Variants in OXR1 observed in about 807,000 individuals in gnomAD.
The protein encoded by OXR1 is oxidation resistance protein 1.
A neutral mutation model predicts 104.6 loss-of-function variants in OXR1; 41 were observed. That is an observed-to-expected ratio of 0.39 (90% CI 0.31 to 0.51). The LOEUF (loss-of-function observed/expected upper bound fraction) is 0.51. OXR1 is among the 20% of genes least tolerant of loss of function. The pLI is 0.77. For synonymous variants in OXR1, 348 were observed against 348.4 expected, an observed-to-expected ratio of 1.00 and a Z score of 0.01; for missense variants, 955 against 1,031.9, an observed-to-expected ratio of 0.93 and a Z score of 1.02.
chr8:106,403,073 G>C (rs1818069634), intron 2 of OXR1, among the ~76,000 whole-genome samples: 1 of 152,172 alleles, frequency 6.6e-6, no homozygotes, highest in African/African-American at 2.4e-5. Flanking sequence ...ACCCGTCTCG[G>C]CCTCCCGAAG....
chr8:106,510,971 G>A (rs1042097646), intron 2 of OXR1, among the ~76,000 whole-genome samples: 3 of 152,118 alleles, frequency 2.0e-5, no homozygotes, highest in African/African-American at 4.8e-5. Context: ...AGTAATTCCC[G>A]ATTCCACGTT....
At chr8:106,641,129 C>T (rs1391981918) in intron 3 of OXR1, among the ~76,000 whole-genome samples, 3 of 152,176 alleles carry the variant, frequency 2.0e-5, no homozygotes, top group Non-Finnish European at 4.4e-5. Flanking sequence ...TTCTGTTAGC[C>T]ATAAACTTTT....
At chr8:106,470,692 A>T (rs1301264326) in intron 2 of OXR1, among the ~76,000 whole-genome samples, 3 of 148,226 alleles carry the variant, frequency 2.0e-5, no homozygotes, top group Admixed American at 1.3e-4. Flanking sequence ...TAGAAAAGAG[A>T]AGGCCAAAGA....
At chr8:106,466,087 G>T (rs1042340868) in intron 2 of OXR1, among the ~76,000 whole-genome samples, 11 of 151,804 alleles carry the variant, frequency 7.2e-5, no homozygotes, top group African/African-American at 2.7e-4. Flanking sequence ...CACATATTTT[G>T]TGCTTGATAT....
intron 2 of OXR1, among the ~76,000 whole-genome samples, chr8:106,418,477 C>T (rs1444944455): frequency 1.3e-5 from 2 of 151,918 alleles, no homozygotes; most frequent in Non-Finnish European, 2.9e-5. Flanking sequence ...TTTCTTCTAA[C>T]AAAATGTCTG....
chr8:106,388,817 A>G (rs1817483994), intron 2 of OXR1, among the ~76,000 whole-genome samples: 1 of 152,320 alleles, frequency 6.6e-6, no homozygotes. Flanking sequence ...TCCTGCTTTG[A>G]TGGCTTAGGC....
At chr8:106,553,863 T>G (rs1219671625) in intron 3 of OXR1, among the ~76,000 whole-genome samples, 1 of 152,156 alleles carries the variant, frequency 6.6e-6, no homozygotes, top group African/African-American at 2.4e-5. Flanking sequence ...ACCCATTACC[T>G]TAAGCTCCCT....
chr8:106,549,249 T>A (rs2130392657), intron 3 of OXR1, among the ~76,000 whole-genome samples: 1 of 151,922 alleles, frequency 6.6e-6, no homozygotes, highest in Middle Eastern at 3.4e-3. Flanking sequence ...CAAACATTTT[T>A]TTTTTTTTTT....
intron 3 of OXR1, among the ~76,000 whole-genome samples, chr8:106,622,292 G>A (rs77844732): frequency 0.028 from 4,302 of 152,014 alleles, 210 homozygotes; most frequent in African/African-American, 0.099. Context: ...ACTCCCAACC[G>A]GCCTCCTGTC....
Position 106,600,181 on chromosome 8 carries a change from G to A in OXR1, c.221-79029G>A, listed in dbSNP as rs965966640. Among the ~76,000 whole-genome samples the A allele has an allele frequency of 1.1e-4, 17 of 152,320 alleles. 1 individual carries two copies. The highest frequency in any genetic ancestry group is 1.0e-3 in the Admixed American group (16 of 15,308). On this transcript the variant is annotated intron_variant, in intron 3 of 16. Transcript: ENST00000517566. ...TTGGGGCCAAGCAGTTACAATGGATGAGCATATCTGTCACTTGTAAGTAAT... is the reference window on the plus strand; with the variant it reads ...TTGGGGCCAAGCAGTTACAATGGATAAGCATATCTGTCACTTGTAAGTAAT...
intron 2 of OXR1, among the ~76,000 whole-genome samples, chr8:106,383,022 A>C (rs1817222102): frequency 6.6e-6 from 1 of 151,822 alleles, no homozygotes; most frequent in South Asian, 2.1e-4. Flanking sequence ...GGTGCCTGGA[A>C]AGGTAGGAAG....
chr8:106,453,662 TC>T (rs2130624477), intron 2 of OXR1, among the ~76,000 whole-genome samples: 1 of 152,338 alleles, frequency 6.6e-6, no homozygotes, highest in Non-Finnish European at 1.5e-5. Flanking sequence ...ATTGCATCAC[TC>T]CTATTCTTAA....
intron 8 of OXR1, among the ~76,000 whole-genome samples, chr8:106,704,430 G>A (rs1360039439): frequency 1.1e-5 from 1 of 88,558 alleles, no homozygotes; most frequent in African/African-American, 4.8e-5. Context: ...TTTTTGAGAT[G>A]GAGTCTCGCT....
chr8:106,456,542 G>T (rs971601494), intron 2 of OXR1, among the ~76,000 whole-genome samples: 3 of 152,080 alleles, frequency 2.0e-5, no homozygotes, highest in Admixed American at 1.3e-4. Flanking sequence ...GTTATTTAAT[G>T]CCATCAATGT....
rs1200729761 is a variant in OXR1 at position 106,496,229 on chromosome 8, G to T, written c.24-22714G>T. Among the ~76,000 whole-genome samples, 4 of 152,078 alleles carry T rather than the reference G, an allele frequency of 2.6e-5. No homozygotes were observed. In the South Asian group the frequency reaches 8.3e-4, roughly 32 times the overall value. Reference sequence around the variant, plus strand: ...TCAGTATCATCTGGGAACTTATCAGGAATATAAATTCTCAGTTCCAATCCG... The same window carrying T: ...TCAGTATCATCTGGGAACTTATCAGTAATATAAATTCTCAGTTCCAATCCG... On this transcript the variant is annotated intron_variant, in intron 2 of 16. Coordinates refer to ENST00000517566, the MANE Select transcript of OXR1 (RefSeq NM_001198533.2).
At chr8:106,574,388 GA>G (rs894275286) in intron 3 of OXR1, among the ~76,000 whole-genome samples, 1 of 152,016 alleles carries the variant, frequency 6.6e-6, no homozygotes, top group African/African-American at 2.4e-5. Flanking sequence ...TCTGCCAGTG[GA>G]AAAAAAGGGG....
intron 2 of OXR1, among the ~76,000 whole-genome samples, chr8:106,432,606 G>A (rs1328439453): frequency 1.3e-5 from 2 of 151,882 alleles, no homozygotes; most frequent in Middle Eastern, 3.2e-3. Context: ...AGTACCAACT[G>A]ATTAATAGTT....
intron 2 of OXR1, among the ~76,000 whole-genome samples, chr8:106,439,672 A>G (rs1819709196): frequency 1.3e-5 from 2 of 151,816 alleles, no homozygotes; most frequent in African/African-American, 4.9e-5. Context: ...TATTTGACAT[A>G]CAAACATTGT....
intron 1 of OXR1, among the ~76,000 whole-genome samples, chr8:106,312,619 A>G (rs1469937908): frequency 6.6e-6 from 1 of 152,210 alleles, no homozygotes; most frequent in East Asian, 1.9e-4. Context: ...TCACTTATTA[A>G]GTTACTCTCA....
Sources: allele counts gnomAD v4.1 joint callset (sites outside exome capture counted in the v4.1 genomes callset), GRCh38; gene constraint gnomAD v4.1.1; transcripts MANE v1.5; gene names NCBI Gene and HGNC (gene_info 2026-07-23, HGNC 2026-07-21).